PRKCB: variants seen among roughly 807,000 people sequenced by gnomAD.
The protein encoded by PRKCB is protein kinase C beta type.
A neutral mutation model predicts 81.5 loss-of-function variants in PRKCB; 13 were observed. That is an observed-to-expected ratio of 0.16 (90% confidence interval 0.10 to 0.25). PRKCB has a LOEUF of 0.25. Ranked by LOEUF, PRKCB falls within the 10% of genes least tolerant of loss-of-function variation. The pLI, the probability that PRKCB is intolerant of heterozygous loss-of-function variation, is 1.00. For synonymous variants in PRKCB, 335 were observed against 321.4 expected, an observed-to-expected ratio of 1.04 and a Z score of -0.45; for missense variants, 509 against 875.7, an observed-to-expected ratio of 0.58 and a Z score of 5.29.
intron 2 of PRKCB, among the ~76,000 whole-genome samples, chr16:23,965,500 C>T (rs1964475764): frequency 6.6e-6 from 1 of 152,148 alleles, no homozygotes; most frequent in Non-Finnish European, 1.5e-5. Context: ...GTTTGTTGAG[C>T]AATGAATGGA....
intron 2 of PRKCB, among the ~76,000 whole-genome samples, chr16:23,966,238 A>G (rs1002623983): frequency 3.3e-5 from 5 of 152,280 alleles, no homozygotes; most frequent in Non-Finnish European, 5.9e-5. Context: ...GGCTTCTTTC[A>G]GGCTCTGAGG....
At chr16:23,858,595 A>G (rs562984874) in intron 2 of PRKCB, among the ~76,000 whole-genome samples, 2 of 151,322 alleles carry the variant, frequency 1.3e-5, no homozygotes, top group African/African-American at 4.9e-5. Flanking sequence ...TTTTTTAGCC[A>G]TAGCCTTGAA....
At chr16:24,021,234 C>CTTT (rs1567347170) in intron 3 of PRKCB, among the ~76,000 whole-genome samples, 690 of 17,972 alleles carry the variant, frequency 0.038, 30 homozygotes, top group African/African-American at 0.15. Context: ...TTCTTTCTTT[C>CTTT]CTTCCTTCCT....
At chr16:23,987,707 C>G (rs138596657) in intron 2 of PRKCB, among the ~76,000 whole-genome samples, 186 of 152,182 alleles carry the variant, frequency 1.2e-3, no homozygotes, top group African/African-American at 3.9e-3. Flanking sequence ...CTGAGCTGCT[C>G]CCTGAAGCAT....
At chr16:23,901,183 G>A (rs1477058270) in intron 2 of PRKCB, among the ~76,000 whole-genome samples, 3 of 152,116 alleles carry the variant, frequency 2.0e-5, no homozygotes, top group African/African-American at 7.2e-5. Flanking sequence ...CTCTGAGCAC[G>A]TGAGCGTTTG....
At chr16:24,002,537 A>C (rs1965051879) in intron 3 of PRKCB, among the ~76,000 whole-genome samples, 1 of 151,860 alleles carries the variant, frequency 6.6e-6, no homozygotes, top group Non-Finnish European at 1.5e-5. Context: ...ACGGGGTTTC[A>C]CCATGTTGGC....
At chr16:23,958,985 C>T (rs940222142) in intron 2 of PRKCB, among the ~76,000 whole-genome samples, 1 of 152,096 alleles carries the variant, frequency 6.6e-6, no homozygotes, top group Non-Finnish European at 1.5e-5. Flanking sequence ...GGCAAGTTAC[C>T]TAACATTTCT....
At chr16:24,013,838 C>T (rs983760924) in intron 3 of PRKCB, among the ~76,000 whole-genome samples, 1 of 151,794 alleles carries the variant, frequency 6.6e-6, no homozygotes, top group Admixed American at 6.6e-5. Context: ...TCACCTTCCT[C>T]AGTTAGGGCC....
intron 5 of PRKCB, among the ~76,000 whole-genome samples, chr16:24,042,253 C>T (rs1965707598): frequency 6.6e-6 from 1 of 152,118 alleles, no homozygotes. Flanking sequence ...CATTCCTCCT[C>T]GGAGGCTCTC....
At chr16:23,872,289 A>T (rs919582661) in intron 2 of PRKCB, among the ~76,000 whole-genome samples, 2 of 152,214 alleles carry the variant, frequency 1.3e-5, no homozygotes, top group Non-Finnish European at 2.9e-5. Context: ...GCCAACTTAG[A>T]CCAAGAAGTG....
intron 16 of PRKCB, among the ~76,000 whole-genome samples, chr16:24,209,277 C>CA: frequency 6.6e-6 from 1 of 152,064 alleles, no homozygotes; most frequent in South Asian, 2.1e-4. Flanking sequence ...CAGTCCCTGC[C>CA]ACCATCACCT....
intron 5 of PRKCB, among the ~76,000 whole-genome samples, chr16:24,045,442 G>A (rs1965752117): frequency 6.6e-6 from 1 of 152,286 alleles, no homozygotes; most frequent in African/African-American, 2.4e-5. Flanking sequence ...AGTCGCATAT[G>A]TTCTGGGAAC....
chr16:24,037,574 T>C (rs1000891374), intron 5 of PRKCB, among the ~76,000 whole-genome samples: 4 of 152,112 alleles, frequency 2.6e-5, no homozygotes, highest in Non-Finnish European at 5.9e-5. Context: ...TTTAGTTTAG[T>C]TTCGTTTCGT....
chr16:24,156,154 A>ACT (rs1187274112), intron 10 of PRKCB, among the ~76,000 whole-genome samples: 3 of 152,194 alleles, frequency 2.0e-5, no homozygotes, highest in Non-Finnish European at 4.4e-5. Context: ...TTCACCTATT[A>ACT]CTTAGTTCCC....
intron 2 of PRKCB, among the ~76,000 whole-genome samples, chr16:23,965,843 T>C (rs557677169): frequency 3.9e-5 from 6 of 152,380 alleles, no homozygotes; most frequent in African/African-American, 1.4e-4. Flanking sequence ...CAGCTTCAGC[T>C]GCTTTGTGGC....
intron 2 of PRKCB, among the ~76,000 whole-genome samples, chr16:23,879,490 T>C (rs1476463311): frequency 6.0e-4 from 1 of 1,676 alleles, no homozygotes; most frequent in African/African-American, 1.9e-3. Context: ...TCCTTTTTTT[T>C]TTTTTTTTTT....
At chr16:24,179,485 C>G (rs901036965) in intron 12 of PRKCB, among the ~76,000 whole-genome samples, 3 of 152,200 alleles carry the variant, frequency 2.0e-5, no homozygotes, top group African/African-American at 7.2e-5. Flanking sequence ...CTATTAGGAC[C>G]GATCCATCTC....
intron 16 of PRKCB, among the ~76,000 whole-genome samples, chr16:24,203,529 C>G (rs756661639): frequency 6.6e-6 from 1 of 152,142 alleles, no homozygotes; most frequent in Non-Finnish European, 1.5e-5. Flanking sequence ...AGCACAAGAA[C>G]TTTGGGAGAA....
intron 10 of PRKCB, among the ~76,000 whole-genome samples, chr16:24,169,772 T>TTA (rs1967411835): frequency 6.6e-6 from 1 of 152,026 alleles, no homozygotes; most frequent in African/African-American, 2.4e-5. Flanking sequence ...CTATTTTTAT[T>TTA]TTTATTTATT....
Sources: gnomAD v4.1 joint callset for allele counts (sites outside exome capture counted in the v4.1 genomes callset) on GRCh38, gnomAD v4.1.1 for gene constraint, MANE v1.5 for transcripts, NCBI Gene and HGNC (gene_info 2026-07-23, HGNC 2026-07-21) for gene names.